Variants in PDGFA observed in about 807,000 individuals in gnomAD.
PDGFA encodes platelet derived growth factor subunit A, also known as platelet-derived growth factor subunit A.
A neutral mutation model predicts 25.6 loss-of-function variants in PDGFA; 9 were observed. The ratio of observed to expected loss-of-function variants is 0.35; its 90% CI spans 0.21 to 0.61. PDGFA has a LOEUF of 0.61. Ranked by LOEUF, PDGFA falls within the 20% of genes least tolerant of loss-of-function variation. PDGFA has a pLI of 0.75. For synonymous variants in PDGFA, 133 were observed against 111.8 expected (o/e 1.19, Z -1.20); for missense variants, 242 against 272.8 (o/e 0.89, Z 0.79).
At chr7:502,232 A>T (rs1446492165) in intron 4 of PDGFA, among the ~76,000 whole-genome samples, 2 of 151,688 alleles carry the variant, frequency 1.3e-5, no homozygotes, top group Admixed American at 6.6e-5. Flanking sequence ...TATTAATATT[A>T]AAAAAAAATT....
chr7:514,794 C>T (rs767348751), intron 2 of PDGFA, among the ~76,000 whole-genome samples: 4 of 152,242 alleles, frequency 2.6e-5, no homozygotes, highest in Non-Finnish European at 5.9e-5. Context: ...AGGCCCTAAA[C>T]GCGGGCTGCC....
At chr7:499,841 C>T (rs938675268) in intron 5 of PDGFA, among the ~76,000 whole-genome samples, 3 of 151,538 alleles carry the variant, frequency 2.0e-5, no homozygotes, top group African/African-American at 4.9e-5. Context: ...AGACAGAAGG[C>T]GGACACTGAT....
At chr7:510,520 C>G (rs562970784) in intron 4 of PDGFA, among the ~76,000 whole-genome samples, 20 of 126,324 alleles carry the variant, frequency 1.6e-4, no homozygotes, top group African/African-American at 5.8e-4. Flanking sequence ...CAGGGCTCAC[C>G]TTGACGCTGC....
At chr7:514,196 C>T (rs558217339) in intron 2 of PDGFA, among the ~76,000 whole-genome samples, 4 of 152,340 alleles carry the variant, frequency 2.6e-5, no homozygotes, top group South Asian at 4.1e-4. Flanking sequence ...CACTTCTTCA[C>T]ATCCGAGGAA....
At chr7:506,889 A>G (rs1335437420) in intron 4 of PDGFA, among the ~76,000 whole-genome samples, 1 of 152,144 alleles carries the variant, frequency 6.6e-6, no homozygotes, top group East Asian at 1.9e-4. Flanking sequence ...GAGACCTCTG[A>G]ATGTTGACCG....
chr7:518,941 C>T (rs1170689316), exon 1 of PDGFA: 3 of 1,524,772 alleles, frequency 2.0e-6, no homozygotes, highest in Non-Finnish European at 2.6e-6. Flanking sequence ...GCACCAACCT[C>T]GGCCAGAACA....
intron 5 of PDGFA, among the ~76,000 whole-genome samples, chr7:498,779 C>G (rs1401262591): frequency 6.6e-6 from 1 of 152,238 alleles, no homozygotes; most frequent in Non-Finnish European, 1.5e-5. Flanking sequence ...TGGGATTAGG[C>G]TCACAGCATC....
intron 4 of PDGFA, among the ~76,000 whole-genome samples, chr7:506,925 G>T (rs1280833298): frequency 6.6e-6 from 1 of 152,168 alleles, no homozygotes; most frequent in Non-Finnish European, 1.5e-5. Flanking sequence ...TGGAAATGGG[G>T]GATGCCATGC....
chr7:512,969 A>T (rs1562491638), intron 2 of PDGFA: 1 of 222,872 alleles, frequency 4.5e-6, no homozygotes, highest in Non-Finnish European at 9.2e-6. Flanking sequence ...CCCCTCACTA[A>T]AGCACTCCTG....
exon 6 of PDGFA, chr7:497,769 T>G (rs893451503): frequency 1.3e-5 from 2 of 150,046 alleles, no homozygotes; most frequent in African/African-American, 4.9e-5. Context: ...TTTTAATACA[T>G]CTCATTAGTT....
At chr7:512,224 TTGCC>T (rs1400136367) in intron 3 of PDGFA, 123 bp downstream of exon 3, 78 of 883,814 alleles carry the variant, frequency 8.8e-5, no homozygotes, top group Admixed American at 1.7e-4. Context: ...AACGGGTGGC[TTGCC>T]TGAGGCCACT....
exon 1 of PDGFA, chr7:519,044 C>T (rs1322287408): frequency 1.2e-5 from 18 of 1,461,838 alleles, no homozygotes; most frequent in Admixed American, 4.2e-5. Context: ...GGCGAGGCCG[C>T]GGGGCGGGCG....
At chr7:511,462 T>C (rs1039779181) in intron 3 of PDGFA, among the ~76,000 whole-genome samples, 4 of 147,246 alleles carry the variant, frequency 2.7e-5, no homozygotes, top group Non-Finnish European at 6.0e-5. Flanking sequence ...CCTACAGCAC[T>C]TGCTGCATGC....
Position 500,856 on chromosome 7 carries a change from C to T in PDGFA, c.580+260G>A, listed in dbSNP as rs1364949145. ...AATGAATTGGGTGTCTTATGCACTC[C>T]CAGCCCCTCTCAGTGAGACCTGAAT... On this transcript the variant is annotated intron_variant, in intron 5 of 5. Coordinates refer to ENST00000402802, the Ensembl canonical transcript of PDGFA. This position sits in a 1 kb window ranked among gnomAD's most constrained non-coding sequence, Gnocchi z 5.0. 7 of 1,534,298 alleles carry T rather than the reference C, an allele frequency of 4.6e-6. No individual in the cohort carries two copies. Among genetic ancestry groups the T allele is most frequent in the Non-Finnish European group, 6.1e-6 (7 of 1,144,594 alleles).
In PDGFA at chr7:519,396, A is replaced by C; in HGVS notation, c.-395T>G. ...CCGGTAATTCTGCATATTTGCGGAC[A>C]TCAGCCCCAAGAAGAACTCCGGAGG... is the stretch of plus-strand genomic sequence containing the variant. On this transcript the variant is annotated 5_prime_UTR_variant, in exon 1 of 6. It removes an upstream start codon present in the reference 5' UTR. Coordinates refer to ENST00000402802, the Ensembl canonical transcript of PDGFA. 1 of 179,696 alleles carries C rather than the reference A, an allele frequency of 5.6e-6. No homozygotes were observed. The allele number at this position is 179,696 out of a possible 1,614,324, so 11.1% of individuals were successfully genotyped here.
chr7:504,673 G>A (rs895783168), intron 4 of PDGFA, among the ~76,000 whole-genome samples: 6 of 152,238 alleles, frequency 3.9e-5, no homozygotes, highest in African/African-American at 9.6e-5. Flanking sequence ...ATCTGGGTTC[G>A]TGGGGATGGG....
intron 1 of PDGFA, among the ~76,000 whole-genome samples, chr7:518,708 C>T (rs1783220824): frequency 6.6e-6 from 1 of 152,196 alleles, no homozygotes; most frequent in Non-Finnish European, 1.5e-5. Context: ...GCCCACTCGT[C>T]CACCTCGCTG....
chr7:516,491 C>T (rs62433349), intron 2 of PDGFA, among the ~76,000 whole-genome samples: 15,832 of 152,174 alleles, frequency 0.1, 964 homozygotes, highest in Non-Finnish European at 0.13. Flanking sequence ...TTAACAAGTT[C>T]ATCGCAGAGC....
chr7:519,093 T>A lies in PDGFA; in HGVS notation c.-92A>T. On this transcript the variant is annotated 5_prime_UTR_variant, in exon 1 of 6. The change abolishes an upstream ATG in the 5' untranslated region. Coordinates refer to ENST00000402802, the Ensembl canonical transcript of PDGFA. ...CCTGTGGCGGCGAAATTCAGTACCA[T>A]CCCTTAGGGAGCGCGGCCCGGAGGA... The A allele has an allele frequency of 1.1e-6, 1 of 930,156 alleles. No individual in the cohort carries two copies. The highest frequency in any genetic ancestry group is 2.7e-5 in the Admixed American group (1 of 36,512). 57.6% of individuals were successfully genotyped at this position (930,156 alleles called of 1,614,324 possible).
Sources: gnomAD v4.1 joint callset for allele counts (sites outside exome capture counted in the v4.1 genomes callset) on GRCh38, gnomAD v4.1.1 for gene constraint, Gnocchi (gnomAD v3.1) non-coding constraint, MANE v1.5 for transcripts, NCBI Gene and HGNC (gene_info 2026-07-23, HGNC 2026-07-21) for gene names.